The following NSMAF variants were observed in gnomAD, a reference collection of about 807,000 sequenced individuals.
The protein encoded by NSMAF is protein FAN.
A neutral mutation model predicts 134.9 loss-of-function variants in NSMAF; 90 were observed. That is an observed-to-expected ratio of 0.67 (90% confidence interval 0.56 to 0.79). The LOEUF (loss-of-function observed/expected upper bound fraction) is 0.79. NSMAF is among the 30% of genes least tolerant of loss of function. The pLI, the probability that NSMAF is intolerant of heterozygous loss-of-function variation, is 0.00. For synonymous variants in NSMAF, 358 were observed against 389.6 expected (o/e 0.92, Z 0.96); for missense variants, 1,010 against 1,119.0 (o/e 0.90, Z 1.39).
chr8:58,659,396 T>C, intron 1 of NSMAF, 177 bp downstream of exon 1: 5 of 1,515,360 alleles, frequency 3.3e-6, no homozygotes, highest in Non-Finnish European at 4.4e-6. Flanking sequence ...CCCCGGCCTC[T>C]CACCCCGACC....
At chr8:58,602,343 G>A (rs1806303882) in intron 13 of NSMAF, among the ~76,000 whole-genome samples, 1 of 152,082 alleles carries the variant, frequency 6.6e-6, no homozygotes, top group Non-Finnish European at 1.5e-5. Flanking sequence ...CCACTTAAGA[G>A]CAATATCTCT....
At chr8:58,618,113 A>C (rs1806704279) in intron 9 of NSMAF, among the ~76,000 whole-genome samples, 1 of 152,188 alleles carries the variant, frequency 6.6e-6, no homozygotes, top group Non-Finnish European at 1.5e-5. Flanking sequence ...CTGAACAATG[A>C]GATCACTTGG....
chr8:58,584,095 G>A lies in NSMAF; in HGVS notation c.*11C>T. 1 of 1,595,120 alleles carries A rather than the reference G, an allele frequency of 6.3e-7. No homozygotes were observed. The highest frequency in any genetic ancestry group is 2.2e-5 in the East Asian group (1 of 44,774). ...AGAGTTCAATTTAATATTCAGGAGA[G>A]GAAAAGGCACTTAATACTGCAATTT... is the stretch of plus-strand genomic sequence containing the variant. On this transcript the variant is annotated 3_prime_UTR_variant, in exon 31 of 31. Coordinates refer to ENST00000038176, the MANE Select transcript of NSMAF (RefSeq NM_003580.4).
chr8:58,612,301 T>A (rs909072212), intron 9 of NSMAF, among the ~76,000 whole-genome samples: 1 of 152,050 alleles, frequency 6.6e-6, no homozygotes, highest in Non-Finnish European at 1.5e-5. Flanking sequence ...CCTCCATAAA[T>A]ACCCCTAAAC....
chr8:58,636,599 G>C (rs1807178324), intron 2 of NSMAF, among the ~76,000 whole-genome samples: 1 of 152,176 alleles, frequency 6.6e-6, no homozygotes, highest in Non-Finnish European at 1.5e-5. Context: ...TTTCTGTAAA[G>C]AGCCAGATAG....
chr8:58,589,653 A>G, intron 25 of NSMAF, 78 bp from the exon 26 acceptor site: 2 of 1,379,388 alleles, frequency 1.4e-6, no homozygotes, highest in Non-Finnish European at 2.0e-6. Context: ...AAGAAACATT[A>G]TGTTGTTTCA....
intron 1 of NSMAF, among the ~76,000 whole-genome samples, chr8:58,656,133 C>G (rs1367690487): frequency 1.3e-5 from 2 of 151,826 alleles, no homozygotes; most frequent in African/African-American, 2.4e-5. Context: ...ATTCTCCTGC[C>G]TCAGTCTCCC....
At chr8:58,595,718 T>C in intron 21 of NSMAF, 59 bp from the exon 22 acceptor site, 1 of 959,784 alleles carries the variant, frequency 1.0e-6, no homozygotes, top group East Asian at 2.4e-5. Context: ...GACAACAGCA[T>C]CAGATTAACA....
intron 23 of NSMAF, among the ~76,000 whole-genome samples, chr8:58,592,730 T>C (rs1806045276): frequency 6.6e-6 from 1 of 151,878 alleles, no homozygotes; most frequent in African/African-American, 2.4e-5. Flanking sequence ...TCTACAAATA[T>C]ACAAAAATTA....
intron 19 of NSMAF, among the ~76,000 whole-genome samples, chr8:58,598,536 A>G (rs903639744): frequency 2.6e-5 from 4 of 151,770 alleles, no homozygotes; most frequent in Non-Finnish European, 5.9e-5. Context: ...AAGAAAAGGA[A>G]AAGAAACTCT....
chr8:58,599,457 CA>C, intron 18 of NSMAF, 94 bp from the exon 19 acceptor site: 1 of 1,347,154 alleles, frequency 7.4e-7, no homozygotes, highest in Non-Finnish European at 1.0e-6. Flanking sequence ...GCTTCTAGGA[CA>C]GGCAAGAGGT....
At chr8:58,646,073 G>A (rs1807445802) in intron 1 of NSMAF, among the ~76,000 whole-genome samples, 1 of 151,082 alleles carries the variant, frequency 6.6e-6, no homozygotes. Flanking sequence ...ATCATCATCT[G>A]AACCAAAAGA....
chr8:58,618,215 A>AT (rs1258781062), intron 9 of NSMAF, among the ~76,000 whole-genome samples: 1 of 152,140 alleles, frequency 6.6e-6, no homozygotes, highest in African/African-American at 2.4e-5. Flanking sequence ...AATGTAAATG[A>AT]TGAGTTGACG....
chr8:58,637,169 A>G, intron 2 of NSMAF: 1 of 314,110 alleles, frequency 3.2e-6, no homozygotes, highest in South Asian at 2.7e-5. Context: ...GCCCAATGTC[A>G]GCATCGTCTA....
chr8:58,591,662 T>C (rs543909071), intron 23 of NSMAF, among the ~76,000 whole-genome samples: 1 of 152,046 alleles, frequency 6.6e-6, no homozygotes, highest in South Asian at 2.1e-4. Context: ...AAGTTTTGTA[T>C]TTTTAGTAGA....
At chr8:58,654,068 C>T (rs905547407) in intron 1 of NSMAF, among the ~76,000 whole-genome samples, 1 of 152,144 alleles carries the variant, frequency 6.6e-6, no homozygotes, top group Non-Finnish European at 1.5e-5. Context: ...AAGTCACAGT[C>T]GGATAGATTT....
chr8:58,618,884 C>T (rs926860225), intron 9 of NSMAF, among the ~76,000 whole-genome samples: 1 of 152,064 alleles, frequency 6.6e-6, no homozygotes, highest in African/African-American at 2.4e-5. Context: ...AAGTATACAA[C>T]ACTGTAATAT....
chr8:58,584,006 T>G lies in NSMAF; in HGVS notation c.*100A>C, dbSNP rs1197532196. On this transcript the variant is annotated 3_prime_UTR_variant, in exon 31 of 31. Coordinates refer to ENST00000038176, the MANE Select transcript of NSMAF (RefSeq NM_003580.4). ...CACAAATTTTCCATGTGGTAAAACT[T>G]CTAATTACTAACATTGCACATTCAC... 2.0e-5 allele frequency: 19 copies of G among 942,702 alleles called. No individual in the cohort carries two copies. The highest frequency in any genetic ancestry group is 3.1e-5 in the Non-Finnish European group (18 of 589,080). The allele number at this position is 942,702 out of a possible 1,614,324, so 58.4% of individuals were successfully genotyped here.
At position 58,597,885 on chromosome 8, in the gene NSMAF, A is replaced by C; in HGVS notation, c.1603T>G (p.Tyr535Asp). 2 of 1,606,412 alleles carry C rather than the reference A, an allele frequency of 1.2e-6. No individual in the cohort carries two copies. The highest frequency in any genetic ancestry group is 1.7e-6 in the Non-Finnish European group (2 of 1,173,144). ...GAHNVFHPLT[Y>D]EGGVDLNSIQ... ...CTGTTCAAGTCTACACCTCCTTCAT[A>C]GGTCAGGGGATGAAATACTGAAAAA... The change falls in exon 20 of 31, where the codon TAT becomes GAT. Residue 535 changes from tyrosine to aspartate, a missense_variant. By Grantham distance (160) the Tyr-to-Asp change is radical. Coordinates refer to ENST00000038176, the MANE Select transcript of NSMAF (RefSeq NM_003580.4).
Sources: gnomAD v4.1 joint callset for allele counts (sites outside exome capture counted in the v4.1 genomes callset) on GRCh38, gnomAD v4.1.1 for gene constraint, MANE v1.5 for transcripts, NCBI Gene and HGNC (gene_info 2026-07-23, HGNC 2026-07-21) for gene names.